Variants in MAP4K1 observed in about 807,000 individuals in gnomAD.
MAP4K1 encodes the protein MAPK/ERK kinase kinase kinase 1.
In MAP4K1, 35 loss-of-function variants were observed where a neutral mutation model predicts 122.8. The observed-to-expected ratio is 0.29, with a 90% confidence interval of 0.22 to 0.38. The LOEUF is 0.38. MAP4K1 is among the 10% of genes least tolerant of loss of function. The pLI, the probability that MAP4K1 is intolerant of heterozygous loss-of-function variation, is 1.00. For synonymous variants in MAP4K1, 412 were observed against 421.3 expected, an observed-to-expected ratio of 0.98 and a Z score of 0.27; for missense variants, 791 against 1,072.6, an observed-to-expected ratio of 0.74 and a Z score of 3.67.
intron 22 of MAP4K1, 30 bp downstream of exon 22, chr19:38,599,895 C>A (rs1486060789): frequency 1.2e-6 from 2 of 1,611,648 alleles, no homozygotes; most frequent in Non-Finnish European, 1.7e-6. Flanking sequence ...TAACTTCCGA[C>A]CCCATCCCAC....
intron 19 of MAP4K1, among the ~76,000 whole-genome samples, chr19:38,602,939 CACAT>C (rs1334506765): frequency 5.5e-5 from 8 of 145,188 alleles, no homozygotes; most frequent in Admixed American, 2.9e-4. Flanking sequence ...TACATATATA[CACAT>C]ACATATATAC....
chr19:38,612,982 A>G (rs1225070782), intron 8 of MAP4K1, among the ~76,000 whole-genome samples: 1 of 152,048 alleles, frequency 6.6e-6, no homozygotes, highest in East Asian at 1.9e-4. Flanking sequence ...GCTTAGGCCC[A>G]GGAGTTTGAG....
In MAP4K1 at chr19:38,612,635, G is replaced by T. The variant is rs1179850942; in HGVS notation, c.641C>A (p.Pro214Gln). Residue 214 changes from proline (P) to glutamine (Q), a missense_variant, in exon 9 of 31, where the codon CCG (proline) becomes CAG (glutamine). Coordinates refer to ENST00000396857, the MANE Select transcript of MAP4K1 (RefSeq NM_001042600.3). ...CCTGAGAGGGTGCACATCAAAGAGC[G>T]GTGGCTGTAGCTCGGCCAGTTCGAT... ...TAIELAELQP[P>Q]LFDVHPLRVL... 3.1e-6 allele frequency: 5 copies of T among 1,613,288 alleles called. No individual in the cohort carries two copies. Among genetic ancestry groups the T allele is most frequent in the Non-Finnish European group, 4.2e-6 (5 of 1,179,842 alleles).
intron 22 of MAP4K1, 131 bp downstream of exon 22, chr19:38,599,794 G>T: frequency 1.2e-6 from 1 of 849,326 alleles, no homozygotes; most frequent in South Asian, 1.5e-5. Context: ...AAAGTGTCTG[G>T]GATTTGAACC....
chr19:38,608,069 G>A, intron 14 of MAP4K1, 36 bp from the exon 15 acceptor site: 2 of 1,569,226 alleles, frequency 1.3e-6, no homozygotes, highest in Non-Finnish European at 1.7e-6. Context: ...GTGGCCTCAG[G>A]GAAGCAGGCG....
At chr19:38,589,330 A>C (rs1280301147) in intron 30 of MAP4K1, 1 of 256,920 alleles carries the variant, frequency 3.9e-6, no homozygotes, top group Non-Finnish European at 7.9e-6. Flanking sequence ...CAAACAAAAA[A>C]CAATAAAACT....
intron 19 of MAP4K1, 49 bp downstream of exon 19, chr19:38,605,355 AGGCAT>A: frequency 9.7e-6 from 7 of 722,236 alleles, no homozygotes; most frequent in Admixed American, 2.5e-5. Context: ...CCACCCCACC[AGGCAT>A]CCCCAGCCCC....
intron 12 of MAP4K1, 24 bp from the exon 13 acceptor site, chr19:38,609,698 A>C: frequency 1.3e-6 from 2 of 1,597,478 alleles, no homozygotes; most frequent in Non-Finnish European, 1.7e-6. Flanking sequence ...CAGCCACGTC[A>C]GGGCTCAAGA....
Position 38,617,916 on chromosome 19 carries a change from C to T in MAP4K1, c.-21G>A. On this transcript the variant is annotated 5_prime_UTR_variant, in exon 1 of 31. Transcript: ENST00000396857. This position sits in a 1 kb window ranked among gnomAD's most constrained non-coding sequence, Gnocchi z 4.1. ...TCCATCCCTGGGGGCCTGAGCTGGGCCTGCGCCCAGGGGCCAGCAGGGCCT... is the reference window on the plus strand; with the variant it reads ...TCCATCCCTGGGGGCCTGAGCTGGGTCTGCGCCCAGGGGCCAGCAGGGCCT... 6.2e-7 allele frequency: 1 copy of T among 1,609,816 alleles called. No homozygotes were observed. Among genetic ancestry groups the T allele is most frequent in the Non-Finnish European group, 8.5e-7 (1 of 1,176,206 alleles).
intron 30 of MAP4K1, among the ~76,000 whole-genome samples, chr19:38,591,464 G>A (rs1974724152): frequency 6.8e-6 from 1 of 147,368 alleles, no homozygotes; most frequent in South Asian, 2.1e-4. Flanking sequence ...CCGGGAGGCA[G>A]AGGTTGCAGT....
chr19:38,592,116 T>A (rs1412160720), intron 30 of MAP4K1, among the ~76,000 whole-genome samples: 4 of 151,016 alleles, frequency 2.6e-5, no homozygotes, highest in East Asian at 2.0e-4. Context: ...TACAAAAAAA[T>A]TTTAAAAATT....
chr19:38,612,793 G>A, intron 8 of MAP4K1, 51 bp from the exon 9 acceptor site: 2 of 1,599,114 alleles, frequency 1.3e-6, no homozygotes, highest in South Asian at 1.1e-5. Context: ...GACAGGAAGG[G>A]AAGGAGGGGC....
chr19:38,613,973 A>G lies in MAP4K1; in HGVS notation c.461-21T>C, dbSNP rs369642046. Reference sequence around the variant, plus strand: ...GTCAGCTGGAAGCAGAGGGAGACATAGTGATCTGGGGTCCACTGCGCTTCC... The same window carrying G: ...GTCAGCTGGAAGCAGAGGGAGACATGGTGATCTGGGGTCCACTGCGCTTCC... On this transcript the variant is annotated intron_variant, in intron 7 of 30. Transcript: ENST00000396857. 1.2e-5 allele frequency: 20 copies of G among 1,613,692 alleles called. No homozygotes were observed. In the African/African-American group the frequency reaches 2.7e-4, roughly 22 times the overall value.
chr19:38,608,819 A>AAAAAAAAAAC (rs1975409875), intron 13 of MAP4K1, among the ~76,000 whole-genome samples: 1 of 148,802 alleles, frequency 6.7e-6, no homozygotes, highest in African/African-American at 2.5e-5. Flanking sequence ...AAAAAAAAAA[A>AAAAAAAAAAC]AAAAAAAAAA....
At chr19:38,592,957 G>A (rs1266444994) in intron 30 of MAP4K1, among the ~76,000 whole-genome samples, 1 of 150,478 alleles carries the variant, frequency 6.6e-6, no homozygotes, top group African/African-American at 2.5e-5. Context: ...AAGAATTGCT[G>A]GGCATGGTGG....
Position 38,587,797 on chromosome 19 carries a change from C to T in MAP4K1, c.2417G>A (p.Arg806His). 3 of 1,613,948 alleles carry T rather than the reference C, an allele frequency of 1.9e-6. No individual in the cohort carries two copies. The highest frequency in any genetic ancestry group is 2.5e-6 in the Non-Finnish European group (3 of 1,179,868). Residue 806 changes from arginine to histidine, a missense_variant, in exon 31 of 31, where the codon CGC (arginine) becomes CAC (histidine). Around this residue, in one of 4 missense-constraint regions of MAP4K1, gnomAD observed 267 missense variants for 323.0 expected, o/e 0.83. Transcript: ENST00000396857. The stretch of plus-strand genomic sequence containing the variant: ...GGGAGCAGTAGGATCATCCACTGGG[C>T]GTGTCTCCACCACTACAGGCCTGTG... ...GSPRPVVVET[R>H]PVDDPTAPSN...
intron 17 of MAP4K1, among the ~76,000 whole-genome samples, chr19:38,605,955 TC>T (rs1975317631): frequency 6.6e-6 from 1 of 152,074 alleles, no homozygotes; most frequent in Admixed American, 6.6e-5. Flanking sequence ...AGCAGGGGCT[TC>T]CTAGGACCAG....
rs1257450695 is a variant in MAP4K1, at chr19:38,597,084, C to T, written c.1891G>A (p.Val631Ile). 1 of 1,614,152 alleles carries T rather than the reference C, an allele frequency of 6.2e-7. No individual in the cohort carries two copies. The highest frequency in any genetic ancestry group is 1.7e-5 in the Admixed American group (1 of 60,022). The change falls in exon 25 of 31, where the codon GTT becomes ATT. Residue 631 changes from valine to isoleucine, a missense_variant. Transcript: ENST00000396857. The surrounding 1 kb of genome is among the most constrained non-coding windows in gnomAD (Gnocchi z 4.6). ...PFLCGALETS[V>I]VLLQWYQPMN... ...GGCTGGTACCACTGAAGCAGGACAA[C>T]GGACGTCTCCAATGCACCGCACAGG...
chr19:38,590,438 A>ATAG (rs1421697310), intron 30 of MAP4K1, among the ~76,000 whole-genome samples: 3 of 90,700 alleles, frequency 3.3e-5, no homozygotes, highest in Non-Finnish European at 6.8e-5. Flanking sequence ...TATATATATA[A>ATAG]TCACGGGCGT....
Sources: gnomAD v4.1 joint callset for allele counts (sites outside exome capture counted in the v4.1 genomes callset) on GRCh38, gnomAD v4.1.1 for gene constraint, gnomAD v4.1.1 regional missense constraint, Gnocchi (gnomAD v3.1) non-coding constraint, MANE v1.5 for transcripts, NCBI Gene and HGNC (gene_info 2026-07-23, HGNC 2026-07-21) for gene names.